The following GPC5 variants were observed in gnomAD, a reference collection of about 807,000 sequenced individuals.
The protein encoded by GPC5 is glypican-5.
GPC5 carries 47 observed loss-of-function variants against 53.9 expected under a neutral mutation model. That is an observed-to-expected ratio of 0.87 (90% CI 0.69 to 1.11). The LOEUF is 1.11. GPC5 is among the 50% of genes most tolerant of loss of function. The pLI, the probability that GPC5 is intolerant of heterozygous loss-of-function variation, is 0.00. For synonymous variants in GPC5, 286 were observed against 263.3 expected (o/e 1.09, Z -0.84); for missense variants, 748 against 713.1 (o/e 1.05, Z -0.56).
chr13:92,338,745 G>T (rs1361614913), intron 7 of GPC5, among the ~76,000 whole-genome samples: 2 of 152,018 alleles, frequency 1.3e-5, no homozygotes, highest in Admixed American at 6.6e-5. Context: ...GGAGCAGGAG[G>T]GATGAAAGAT....
At chr13:91,655,092 A>C (rs1050479062) in intron 2 of GPC5, among the ~76,000 whole-genome samples, 12 of 152,190 alleles carry the variant, frequency 7.9e-5, no homozygotes, top group Non-Finnish European at 4.4e-5. Context: ...ATCAGGTACA[A>C]ATAAGAAAGT....
intron 2 of GPC5, among the ~76,000 whole-genome samples, chr13:91,483,305 A>G (rs1162323078): frequency 6.6e-6 from 1 of 152,182 alleles, no homozygotes; most frequent in Non-Finnish European, 1.5e-5. Context: ...CTCTAGGCTG[A>G]TGGCTCAAAT....
At chr13:91,440,427 A>G (rs1174226918) in intron 1 of GPC5, among the ~76,000 whole-genome samples, 1 of 152,196 alleles carries the variant, frequency 6.6e-6, no homozygotes, top group Non-Finnish European at 1.5e-5. Context: ...TTTCATATAT[A>G]ATATTTTTCA....
chr13:91,934,630 A>G (rs4773655), intron 6 of GPC5, among the ~76,000 whole-genome samples: 81,913 of 151,666 alleles, frequency 0.54, 22,517 homozygotes, highest in East Asian at 0.74. Flanking sequence ...TCCTGGACAA[A>G]CACTGCCCCT....
chr13:91,718,691 T>C (rs2036399370), intron 3 of GPC5, among the ~76,000 whole-genome samples: 1 of 152,224 alleles, frequency 6.6e-6, no homozygotes, highest in Admixed American at 6.5e-5. Context: ...TTTGGAATTC[T>C]ACCCCCATCT....
At chr13:91,813,272 T>A (rs2038341998) in intron 5 of GPC5, among the ~76,000 whole-genome samples, 2 of 152,230 alleles carry the variant, frequency 1.3e-5, no homozygotes, top group Non-Finnish European at 2.9e-5. Flanking sequence ...CCCCTTTGCA[T>A]TACTTTGATG....
chr13:92,784,588 A>G (rs1876148477), intron 7 of GPC5, among the ~76,000 whole-genome samples: 1 of 152,180 alleles, frequency 6.6e-6, no homozygotes, highest in South Asian at 2.1e-4. Context: ...AAAGATGAAA[A>G]TAAATGTTGT....
At chr13:91,481,597 C>T (rs952649110) in intron 2 of GPC5, among the ~76,000 whole-genome samples, 2 of 152,276 alleles carry the variant, frequency 1.3e-5, no homozygotes, top group East Asian at 3.9e-4. Flanking sequence ...ATGTGAACAA[C>T]CTCTTGCAAC....
At chr13:91,508,826 C>T (rs539905247) in intron 2 of GPC5, among the ~76,000 whole-genome samples, 2 of 152,136 alleles carry the variant, frequency 1.3e-5, no homozygotes, top group Admixed American at 6.5e-5. Context: ...ACAGCCATTC[C>T]ATAAATTTAA....
At chr13:91,600,225 T>A (rs2033131731) in intron 2 of GPC5, among the ~76,000 whole-genome samples, 1 of 152,142 alleles carries the variant, frequency 6.6e-6, no homozygotes, top group South Asian at 2.1e-4. Context: ...CCAGCCTACT[T>A]TTTTATAATT....
chr13:92,448,728 A>T (rs1278728113), intron 7 of GPC5: 1 of 151,794 alleles, frequency 6.6e-6, no homozygotes, highest in Non-Finnish European at 1.5e-5. Flanking sequence ...TTATTATTTC[A>T]CTTTGGTATA....
chr13:92,689,433 A>G (rs1566364766), intron 7 of GPC5, among the ~76,000 whole-genome samples: 1 of 61,052 alleles, frequency 1.6e-5, no homozygotes, highest in Non-Finnish European at 3.5e-5. Context: ...ATCTTCCTCC[A>G]TCCTTTTATT....
chr13:91,507,806 G>A (rs1445948605), intron 2 of GPC5, among the ~76,000 whole-genome samples: 3 of 152,130 alleles, frequency 2.0e-5, no homozygotes, highest in Non-Finnish European at 4.4e-5. Flanking sequence ...TTGTGAGTCA[G>A]CACTCATATT....
chr13:92,655,849 A>G (rs1270206338), intron 7 of GPC5, among the ~76,000 whole-genome samples: 1 of 152,164 alleles, frequency 6.6e-6, no homozygotes, highest in Non-Finnish European at 1.5e-5. Context: ...ATAGAAATAG[A>G]CTCAGGATGC....
At chr13:92,513,490 G>A (rs1183458506) in intron 7 of GPC5, among the ~76,000 whole-genome samples, 1 of 145,374 alleles carries the variant, frequency 6.9e-6, no homozygotes, top group Non-Finnish European at 1.5e-5. Context: ...TTTTAATTAA[G>A]GCATATAAGA....
chr13:91,632,610 G>A (rs1053622598), intron 2 of GPC5, among the ~76,000 whole-genome samples: 3 of 152,086 alleles, frequency 2.0e-5, no homozygotes, highest in Non-Finnish European at 4.4e-5. Flanking sequence ...AGGAAATGTG[G>A]AACCTCAAAG....
At chr13:92,041,907 G>A (rs375972295) in intron 6 of GPC5, among the ~76,000 whole-genome samples, 8 of 152,204 alleles carry the variant, frequency 5.3e-5, no homozygotes, top group African/African-American at 1.7e-4. Context: ...AAGTGGCTAG[G>A]AGAGGAAAAG....
chr13:91,949,058 T>C (rs2139056402), intron 6 of GPC5, among the ~76,000 whole-genome samples: 1 of 152,316 alleles, frequency 6.6e-6, no homozygotes, highest in Admixed American at 6.5e-5. Flanking sequence ...CTTCTCTCCT[T>C]GATACTCATA....
chr13:92,662,984 A>G lies in GPC5; in HGVS notation c.1562-203298A>G, dbSNP rs148504284. Among the ~76,000 whole-genome samples the G allele has an allele frequency of 7.8e-4, 119 of 152,338 alleles. 1 individual carries two copies. Among genetic ancestry groups the G allele is most frequent in the Middle Eastern group, 3.4e-3 (1 of 294 alleles). ...GCTTCTGGAAAATCCAAAGAAAACC[A>G]CTTTTGTTAAGAACCAAACACATGA... On this transcript the variant is annotated intron_variant, in intron 7 of 7. Coordinates refer to ENST00000377067, the MANE Select transcript of GPC5 (RefSeq NM_004466.6).
Sources: gnomAD v4.1 joint callset for allele counts (sites outside exome capture counted in the v4.1 genomes callset) on GRCh38, gnomAD v4.1.1 for gene constraint, MANE v1.5 for transcripts, NCBI Gene and HGNC (gene_info 2026-07-23, HGNC 2026-07-21) for gene names.